The following ITPRID2 variants were observed in gnomAD, a reference collection of about 807,000 sequenced individuals.
The protein encoded by ITPRID2 is protein ITPRID2.
A neutral mutation model predicts 124.3 loss-of-function variants in ITPRID2; 60 were observed. The observed-to-expected ratio is 0.48, with a 90% CI of 0.39 to 0.60. The LOEUF (loss-of-function observed/expected upper bound fraction) is 0.60. Ranked by LOEUF, ITPRID2 falls within the 20% of genes least tolerant of loss-of-function variation. The pLI, the probability that ITPRID2 is intolerant of heterozygous loss-of-function variation, is 0.00. For synonymous variants in ITPRID2, 521 were observed against 542.9 expected, an observed-to-expected ratio of 0.96 and a Z score of 0.56; for missense variants, 1,553 against 1,512.2, an observed-to-expected ratio of 1.03 and a Z score of -0.45.
rs749281136 is a variant in ITPRID2, at chr2:181,919,272, T to C, written c.2994-24T>C. On this transcript the variant is annotated intron_variant, in intron 13 of 17. Coordinates refer to ENST00000431877, the MANE Select transcript of ITPRID2 (RefSeq NM_001130445.3). The surrounding 1 kb of genome is among the most constrained non-coding windows in gnomAD (Gnocchi z 4.2). ...ATCTCCAAACTGCATTTTTCCAATT[T>C]TGTGCCCTTCACCATACCAATAGGT... The C allele has an allele frequency of 2.0e-5, 33 of 1,612,688 alleles. No individual in the cohort carries two copies. In the South Asian group the frequency reaches 3.2e-4, roughly 16 times the overall value.
At chr2:181,914,941 C>G (rs1559002962) in intron 10 of ITPRID2, among the ~76,000 whole-genome samples, 1 of 151,996 alleles carries the variant, frequency 6.6e-6, no homozygotes, top group African/African-American at 2.4e-5. Flanking sequence ...TCCATTTTCT[C>G]TATGAGTCAG....
At position 181,920,611 on chromosome 2, in the gene ITPRID2, T is replaced by C. The variant is rs950505950; in HGVS notation, c.3159T>C (p.Ser1053=). ...RSSALMGMCG[S]RSADNLSCPS... ...TACCTTTTCAGGGAATGTGTGGCAG[T>C]AGAAGCGCTGATAACTTGTCATGCC... The change falls in exon 15 of 18, where the codon AGT becomes AGC. Residue 1053 remains serine, a synonymous_variant. Transcript: ENST00000431877. 2.5e-6 allele frequency: 4 copies of C among 1,613,350 alleles called. No homozygotes were observed. The highest frequency in any genetic ancestry group is 3.4e-6 in the Non-Finnish European group (4 of 1,179,532).
At chr2:181,914,123 G>A (rs1693843743) in intron 10 of ITPRID2, among the ~76,000 whole-genome samples, 190 bp downstream of exon 10, 1 of 152,100 alleles carries the variant, frequency 6.6e-6, no homozygotes, top group African/African-American at 2.4e-5. Flanking sequence ...TCTTCTCTCT[G>A]AATATGTTTT....
rs1693982689 is a variant in ITPRID2, at chr2:181,915,735, C to T, written c.2095C>T (p.Gln699Ter). Residue 699 changes from glutamine (Q) to a stop codon, truncating the protein, a stop_gained, in exon 11 of 18, where the codon CAA becomes TAA. Transcript: ENST00000431877. LOFTEE classifies it high-confidence loss of function. ...AGTTAATACAGCTTTGCAAAGAGCT[C>T]AAATGAAGGTTTGCAGTCTGTCTAA... is the stretch of plus-strand genomic sequence containing the variant. ...DRVNTALQRA[Q>*]MKVCSLSNQR... The T allele has an allele frequency of 6.2e-7, 1 of 1,613,924 alleles. No individual in the cohort carries two copies. The highest frequency in any genetic ancestry group is 8.5e-7 in the Non-Finnish European group (1 of 1,180,038).
Position 181,916,132 on chromosome 2 carries a change from G to C in ITPRID2, c.2492G>C (p.Cys831Ser), listed in dbSNP as rs762383764. The C allele has an allele frequency of 4.3e-6, 7 of 1,614,216 alleles. 1 individual carries two copies. In the Admixed American group the frequency reaches 1.0e-4, roughly 23 times the overall value. ...EECHHGRTPT[C>S]SRLAPPPMSQ... ...TGCCATCATGGAAGGACTCCTACCT[G>C]TTCACGGCTTGCTCCACCACCAATG... is the stretch of plus-strand genomic sequence containing the variant. Residue 831 changes from cysteine to serine, a missense_variant, in exon 11 of 18, where the codon TGT becomes TCT. Coordinates refer to ENST00000431877, the MANE Select transcript of ITPRID2 (RefSeq NM_001130445.3).
chr2:181,915,142 A>T (rs1047996207), intron 10 of ITPRID2, 74 bp from the exon 11 acceptor site: 1 of 1,497,398 alleles, frequency 6.7e-7, no homozygotes, highest in Admixed American at 2.0e-5. Context: ...TAGAAGCACC[A>T]TGTTGGTTTG....
chr2:181,926,128 G>A (rs2125115502), intron 16 of ITPRID2, among the ~76,000 whole-genome samples: 1 of 151,974 alleles, frequency 6.6e-6, no homozygotes, highest in East Asian at 2.0e-4. Context: ...ACAAAAATTA[G>A]CCAGGTGTGG....
At chr2:181,911,584 T>C (rs76303286) in intron 9 of ITPRID2, among the ~76,000 whole-genome samples, 1 of 152,346 alleles carries the variant, frequency 6.6e-6, no homozygotes, top group East Asian at 1.9e-4. Flanking sequence ...CTCACTTTAA[T>C]GTTTCCTCTA....
chr2:181,924,948 A>G (rs936040963), intron 16 of ITPRID2, among the ~76,000 whole-genome samples: 1 of 152,256 alleles, frequency 6.6e-6, no homozygotes, highest in Non-Finnish European at 1.5e-5. Context: ...AATGTGTGTA[A>G]ATAAAAAGAT....
At chr2:181,913,355 C>T (rs1324514700) in intron 9 of ITPRID2, among the ~76,000 whole-genome samples, 2 of 152,214 alleles carry the variant, frequency 1.3e-5, no homozygotes, top group Non-Finnish European at 2.9e-5. Context: ...GCATGAGCCA[C>T]CGCGCCCAGC....
chr2:181,898,223 C>A (rs1280100390), intron 4 of ITPRID2, among the ~76,000 whole-genome samples: 1 of 151,922 alleles, frequency 6.6e-6, no homozygotes, highest in Non-Finnish European at 1.5e-5. Flanking sequence ...AAATGAAAAG[C>A]AATTCATGTG....
chr2:181,915,868 C>G lies in ITPRID2; in HGVS notation c.2228C>G (p.Thr743Ser), dbSNP rs746731014. 1.1e-5 allele frequency: 18 copies of G among 1,614,224 alleles called. No homozygotes were observed. The highest frequency in any genetic ancestry group is 1.5e-5 in the Non-Finnish European group (18 of 1,180,046). ...PLRRSQSLPT[T>S]LLSPVRVVSS... ...AGAAGGTCTCAGTCTTTACCAACCA[C>G]CTTATTGAGCCCAGTAAGGGTTGTG... Residue 743 changes from threonine to serine, a missense_variant, in exon 11 of 18, where the codon ACC (threonine) becomes AGC (serine). Transcript: ENST00000431877.
At position 181,919,557 on chromosome 2, in the gene ITPRID2, A is replaced by ATAAAT; in HGVS notation, c.3144+111_3144+112insTAAAT. On this transcript the variant is annotated intron_variant, in intron 14 of 17. Coordinates refer to ENST00000431877, the MANE Select transcript of ITPRID2 (RefSeq NM_001130445.3). This position sits in a 1 kb window ranked among gnomAD's most constrained non-coding sequence, Gnocchi z 4.2. ...AGTCATTTATTTTAATGGTATTAAA[A>ATAAAT]GCATGCATACTGTTTAAGGAGCTTT... The ATAAAT allele has an allele frequency of 8.1e-7, 1 of 1,232,652 alleles. No individual in the cohort carries two copies. The highest frequency in any genetic ancestry group is 1.1e-6 in the Non-Finnish European group (1 of 913,688). The allele number at this position is 1,232,652 out of a possible 1,614,324, so 76.4% of individuals were successfully genotyped here.
In ITPRID2 at chr2:181,892,579, G is replaced by A. The variant is rs761794602; in HGVS notation, c.212-36G>A. On this transcript the variant is annotated intron_variant, in intron 1 of 17. Transcript: ENST00000431877. This position sits in a 1 kb window ranked among gnomAD's most constrained non-coding sequence, Gnocchi z 5.2. ...GTGACTCCGCCGTCGTAGTGCTCCT[G>A]GGTGGTAACGTGCTGTCCCCTCTCT... 22 of 1,613,638 alleles carry A rather than the reference G, an allele frequency of 1.4e-5. No individual in the cohort carries two copies. Among genetic ancestry groups the A allele is most frequent in the South Asian group, 2.2e-5 (2 of 91,070 alleles).
chr2:181,924,155 A>G (rs934945107), intron 16 of ITPRID2, among the ~76,000 whole-genome samples: 6 of 152,292 alleles, frequency 3.9e-5, no homozygotes, highest in Admixed American at 2.6e-4. Context: ...CTGTCTACAA[A>G]GGGCCTACCC....
rs776424521 is a variant in ITPRID2, at chr2:181,918,755, A to G, written c.2866A>G (p.Asn956Asp). The G allele has an allele frequency of 1.9e-6, 3 of 1,613,910 alleles. No homozygotes were observed. Among genetic ancestry groups the G allele is most frequent in the South Asian group, 1.1e-5 (1 of 90,982 alleles). Residue 956 changes from asparagine (N) to aspartate (D), a missense_variant and splice_region_variant, in exon 13 of 18, where the codon AAT (asparagine) becomes GAT (aspartate). Transcript: ENST00000431877. ...GTAATTTTGTTATATTGCATTCTAGAATACTTTTCAGGAGCTCCAGGTAAT... is the reference window on the plus strand; with the variant it reads ...GTAATTTTGTTATATTGCATTCTAGGATACTTTTCAGGAGCTCCAGGTAAT... The part of the protein sequence containing the change: ...QKSSVLPLYE[N>D]TFQELQVMRR...
Position 181,902,300 on chromosome 2 carries a change from A to G in ITPRID2, c.1247A>G (p.Lys416Arg). The G allele has an allele frequency of 6.2e-7, 1 of 1,613,966 alleles. No homozygotes were observed. Among genetic ancestry groups the G allele is most frequent in the Admixed American group, 1.7e-5 (1 of 59,990 alleles). Residue 416 changes from lysine to arginine, a missense_variant, in exon 8 of 18, where the codon AAA (lysine) becomes AGA (arginine). Coordinates refer to ENST00000431877, the MANE Select transcript of ITPRID2 (RefSeq NM_001130445.3). The surrounding 1 kb of genome is among the most constrained non-coding windows in gnomAD (Gnocchi z 4.4). ...GAGGAATCTGGTATTGTAGAATCCA[A>G]ATTAGATAGTGATTTCAACATATCC... ...LGEESGIVES[K>R]LDSDFNISSH...
chr2:181,917,435 T>A (rs1694155129), intron 11 of ITPRID2: 1 of 152,246 alleles, frequency 6.6e-6, no homozygotes, highest in African/African-American at 2.4e-5. Flanking sequence ...GGGTGTTTCT[T>A]ATTCCTCCTT....
intron 14 of ITPRID2, 34 bp from the exon 15 acceptor site, chr2:181,920,551 TATATACACACAC>T: frequency 2.2e-6 from 3 of 1,364,378 alleles, no homozygotes; most frequent in Non-Finnish European, 3.1e-6. Context: ...CATGTATGTA[TATATACACACAC>T]ATATACATAT....
Sources: gnomAD v4.1 joint callset for allele counts (sites outside exome capture counted in the v4.1 genomes callset) on GRCh38, gnomAD v4.1.1 for gene constraint, Gnocchi (gnomAD v3.1) non-coding constraint, MANE v1.5 for transcripts, NCBI Gene and HGNC (gene_info 2026-07-23, HGNC 2026-07-21) for gene names.